VTI1A: variants seen among roughly 807,000 people sequenced by gnomAD.
VTI1A encodes the protein vesicle transport through interaction with t-SNAREs homolog 1A.
A neutral mutation model predicts 34.9 loss-of-function variants in VTI1A; 22 were observed. The ratio of observed to expected loss-of-function variants is 0.63; its 90% CI spans 0.45 to 0.90. The LOEUF is 0.90. VTI1A is among the 40% of genes least tolerant of loss of function. VTI1A has a pLI of 0.00. For synonymous variants in VTI1A, 87 were observed against 97.3 expected (o/e 0.89, Z 0.62); for missense variants, 268 against 275.6 (o/e 0.97, Z 0.20).
At chr10:112,550,937 T>C (rs1851327205) in intron 5 of VTI1A, among the ~76,000 whole-genome samples, 1 of 152,094 alleles carries the variant, frequency 6.6e-6, no homozygotes, top group South Asian at 2.1e-4. Flanking sequence ...AGGTTGATAT[T>C]TGTGTTTATA....
intron 3 of VTI1A, among the ~76,000 whole-genome samples, chr10:112,487,215 C>A (rs1289689462): frequency 6.6e-6 from 1 of 152,156 alleles, no homozygotes; most frequent in Non-Finnish European, 1.5e-5. Context: ...CCTCCATCTC[C>A]CCGGTTCGAG....
intron 7 of VTI1A, among the ~76,000 whole-genome samples, chr10:112,699,987 C>T (rs1307179964): frequency 1.7e-4 from 25 of 151,122 alleles, no homozygotes; most frequent in Non-Finnish European, 2.5e-4. Flanking sequence ...GGTATGGTGG[C>T]GGGCACCTGT....
At chr10:112,572,801 T>C (rs1469840101) in intron 5 of VTI1A, among the ~76,000 whole-genome samples, 1 of 144,494 alleles carries the variant, frequency 6.9e-6, no homozygotes, top group Non-Finnish European at 1.5e-5. Context: ...ATCGCGCCAC[T>C]ACACTCCAGA....
intron 5 of VTI1A, among the ~76,000 whole-genome samples, chr10:112,609,397 G>A (rs1845207008): frequency 1.3e-5 from 2 of 152,152 alleles, no homozygotes; most frequent in African/African-American, 4.8e-5. Flanking sequence ...CACTTTAAAA[G>A]TAATTACATT....
At position 112,815,384 on chromosome 10, in the gene VTI1A, T is replaced by A; in HGVS notation, c.*1T>A. Reference sequence around the variant, plus strand: ...CACTTTTTCTGTCAGAAGACACTGATGTATCTGCTCTCCCTTGATAAACAG... The same window carrying A: ...CACTTTTTCTGTCAGAAGACACTGAAGTATCTGCTCTCCCTTGATAAACAG... On this transcript the variant is annotated 3_prime_UTR_variant, in exon 8 of 8. Transcript: ENST00000393077. 1 of 1,611,796 alleles carries A rather than the reference T, an allele frequency of 6.2e-7. No homozygotes were observed. The highest frequency in any genetic ancestry group is 8.5e-7 in the Non-Finnish European group (1 of 1,177,920).
intron 5 of VTI1A, among the ~76,000 whole-genome samples, chr10:112,665,277 A>G (rs935082045): frequency 4.0e-4 from 61 of 151,350 alleles, no homozygotes; most frequent in African/African-American, 1.4e-3. Context: ...TTTTGGTTCA[A>G]CTAGAAGAGT....
intron 3 of VTI1A, among the ~76,000 whole-genome samples, chr10:112,512,736 G>C (rs1849655810): frequency 6.6e-6 from 1 of 152,078 alleles, no homozygotes; most frequent in Admixed American, 6.6e-5. Flanking sequence ...TGAGAGATAG[G>C]GGTACAGTTT....
intron 3 of VTI1A, among the ~76,000 whole-genome samples, chr10:112,511,338 G>C (rs1849602594): frequency 6.6e-6 from 1 of 151,626 alleles, no homozygotes; most frequent in South Asian, 2.1e-4. Context: ...CCGCCTCCTG[G>C]GTTCAAGTGA....
At chr10:112,710,925 A>T (rs1413248290) in intron 7 of VTI1A, among the ~76,000 whole-genome samples, 1 of 152,210 alleles carries the variant, frequency 6.6e-6, no homozygotes, top group Non-Finnish European at 1.5e-5. Context: ...GCATTTCTGT[A>T]CAGGTTACAA....
intron 5 of VTI1A, among the ~76,000 whole-genome samples, chr10:112,567,704 A>G (rs528840063): frequency 6.6e-6 from 1 of 152,248 alleles, no homozygotes; most frequent in African/African-American, 2.4e-5. Context: ...TGTTATTTGT[A>G]GAATAACTGC....
intron 5 of VTI1A, among the ~76,000 whole-genome samples, chr10:112,583,645 G>A (rs1844037731): frequency 2.0e-5 from 3 of 152,336 alleles, no homozygotes; most frequent in Admixed American, 1.3e-4. Context: ...GACAGGCAGT[G>A]TAATTTAGTA....
intron 4 of VTI1A, among the ~76,000 whole-genome samples, chr10:112,534,645 G>A (rs555275288): frequency 6.6e-6 from 1 of 152,020 alleles, no homozygotes; most frequent in African/African-American, 2.4e-5. Flanking sequence ...AAAATGAAGG[G>A]GAAAAATATA....
chr10:112,762,167 T>C (rs527941993), intron 7 of VTI1A, among the ~76,000 whole-genome samples: 3 of 152,320 alleles, frequency 2.0e-5, no homozygotes, highest in Admixed American at 2.0e-4. Context: ...CGCGGTTACT[T>C]CAGGTCTTAT....
At chr10:112,594,363 A>G (rs1228921298) in intron 5 of VTI1A, among the ~76,000 whole-genome samples, 1 of 152,168 alleles carries the variant, frequency 6.6e-6, no homozygotes. Flanking sequence ...GAAAAGAGGA[A>G]GTCAAATTGT....
intron 3 of VTI1A, among the ~76,000 whole-genome samples, chr10:112,478,667 C>G (rs1193442430): frequency 6.6e-6 from 1 of 152,048 alleles, no homozygotes; most frequent in Non-Finnish European, 1.5e-5. Flanking sequence ...AAATTAATCA[C>G]TCTATGATAG....
At chr10:112,748,725 A>G (rs950448471) in intron 7 of VTI1A, among the ~76,000 whole-genome samples, 1 of 141,984 alleles carries the variant, frequency 7.0e-6, no homozygotes, top group South Asian at 2.2e-4. Context: ...TCCCGGGTTC[A>G]CGCCATTCTC....
intron 7 of VTI1A, among the ~76,000 whole-genome samples, chr10:112,687,334 C>T (rs984162713): frequency 1.4e-5 from 2 of 147,224 alleles, no homozygotes; most frequent in Non-Finnish European, 3.0e-5. Context: ...CCCGGGTTCA[C>T]GCCATTCTCC....
At chr10:112,686,642 G>A (rs1468956246) in intron 7 of VTI1A, among the ~76,000 whole-genome samples, 1 of 152,178 alleles carries the variant, frequency 6.6e-6, no homozygotes, top group Admixed American at 6.5e-5. Context: ...GTGGTATAGT[G>A]AGGCAGGATT....
intron 5 of VTI1A, among the ~76,000 whole-genome samples, chr10:112,643,867 T>C (rs1846674310): frequency 6.6e-6 from 1 of 152,200 alleles, no homozygotes. Context: ...GTAATTTTTT[T>C]CGTTTACTAT....
Sources: allele counts gnomAD v4.1 joint callset (sites outside exome capture counted in the v4.1 genomes callset), GRCh38; gene constraint gnomAD v4.1.1; transcripts MANE v1.5; gene names NCBI Gene and HGNC (gene_info 2026-07-23, HGNC 2026-07-21).